The following HDAC9 variants were observed in gnomAD, a reference collection of about 807,000 sequenced individuals.
The protein encoded by HDAC9 is histone deacetylase 9, also known as MEF-2 interacting transcription repressor (MITR) protein.
A neutral mutation model predicts 139.4 loss-of-function variants in HDAC9; 41 were observed. That is an observed-to-expected ratio of 0.29 (90% CI 0.23 to 0.38). The LOEUF (loss-of-function observed/expected upper bound fraction) is 0.38. Among genes scored for constraint, HDAC9 ranks in the 10% least tolerant of loss-of-function variants. The pLI is 1.00. For synonymous variants in HDAC9, 517 were observed against 476.2 expected, an observed-to-expected ratio of 1.09 and a Z score of -1.12; for missense variants, 1,147 against 1,297.0, an observed-to-expected ratio of 0.88 and a Z score of 1.78.
rs530648199 is a variant in HDAC9 at position 18,524,495 on chromosome 7, A to C, written c.22+28171A>C. ...TTAGTAGTTTGTCCACGTAAAGACA[A>C]TCATACAACATGTACAAAAGTTGGA... On this transcript the variant is annotated intron_variant, in intron 2 of 25. Transcript: ENST00000686413. 1.1e-4 allele frequency among the ~76,000 whole-genome samples: 16 copies of C among 152,288 alleles called. No homozygotes were observed. The South Asian group carries it at 3.1e-3, about 30-fold the overall frequency.
chr7:18,819,556 T>C (rs1307600651), intron 17 of HDAC9, among the ~76,000 whole-genome samples: 1 of 152,210 alleles, frequency 6.6e-6, no homozygotes, highest in Non-Finnish European at 1.5e-5. Flanking sequence ...CTTTCCTGGA[T>C]ACCACATGGC....
chr7:18,608,682 A>G (rs985978355), intron 6 of HDAC9, among the ~76,000 whole-genome samples: 3 of 152,202 alleles, frequency 2.0e-5, no homozygotes, highest in African/African-American at 4.8e-5. Flanking sequence ...TGATAAAAAT[A>G]TCTGAGAATA....
At position 18,264,151 on chromosome 7, in the gene HDAC9, A is replaced by G. The variant is rs1016624571; in HGVS notation, c.25+101802A>G. Among the ~76,000 whole-genome samples the G allele has an allele frequency of 7.2e-5, 11 of 152,210 alleles. No homozygotes were observed. In the South Asian group the frequency reaches 1.9e-3, roughly 26 times the overall value. ...TAATGGACAGAACATCCACAAGGAA[A>G]TAGAAGACATGAACAACACTGAAAA... On this transcript the variant is annotated intron_variant, in intron 2 of 12. Coordinates refer to the HDAC9 transcript ENST00000417496.
At chr7:18,790,508 C>T (rs1792208910) in intron 16 of HDAC9, among the ~76,000 whole-genome samples, 1 of 152,118 alleles carries the variant, frequency 6.6e-6, no homozygotes, top group African/African-American at 2.4e-5. Flanking sequence ...TCAAAGCCTC[C>T]AGAATTGTGA....
intron 12 of HDAC9, among the ~76,000 whole-genome samples, chr7:18,682,898 A>G (rs1584831398): frequency 1.3e-5 from 2 of 151,826 alleles, no homozygotes; most frequent in Non-Finnish European, 2.9e-5. Flanking sequence ...GGAGAATTGC[A>G]TGAACCTAGG....
intron 22 of HDAC9, among the ~76,000 whole-genome samples, chr7:18,927,122 A>T (rs73069809): frequency 1.3e-5 from 2 of 152,318 alleles, no homozygotes; most frequent in African/African-American, 2.4e-5. Flanking sequence ...TTTACCCGTT[A>T]TTAAGGTGAT....
chr7:18,197,212 G>A (rs1187485571), intron 2 of HDAC9, among the ~76,000 whole-genome samples: 1 of 152,142 alleles, frequency 6.6e-6, no homozygotes, highest in East Asian at 1.9e-4. Context: ...CCTTAATCAT[G>A]TGAGCCAATT....
At chr7:18,283,461 A>G (rs1797235298) in intron 2 of HDAC9, among the ~76,000 whole-genome samples, 1 of 152,196 alleles carries the variant, frequency 6.6e-6, no homozygotes, top group South Asian at 2.1e-4. Flanking sequence ...AGTAAAGCAA[A>G]GGTGAATTAG....
At chr7:18,418,489 A>G (rs1789307429) in intron 1 of HDAC9, among the ~76,000 whole-genome samples, 3 of 151,916 alleles carry the variant, frequency 2.0e-5, no homozygotes, top group Admixed American at 1.3e-4. Context: ...AGATAATGAA[A>G]TAGTATGATT....
chr7:18,103,187 G>A (rs1782963286), intron 1 of HDAC9, among the ~76,000 whole-genome samples: 2 of 152,034 alleles, frequency 1.3e-5, no homozygotes, highest in South Asian at 4.1e-4. Flanking sequence ...ACTACCATGG[G>A]AACAGTATGG....
chr7:18,981,129 C>A (rs190854266), intron 25 of HDAC9, among the ~76,000 whole-genome samples: 1 of 152,124 alleles, frequency 6.6e-6, no homozygotes, highest in African/African-American at 2.4e-5. Flanking sequence ...CGGCCTGTTT[C>A]TTCTTTTAAT....
At chr7:18,259,359 A>T (rs1795493246) in intron 2 of HDAC9, among the ~76,000 whole-genome samples, 1 of 151,330 alleles carries the variant, frequency 6.6e-6, no homozygotes, top group East Asian at 2.0e-4. Context: ...ATATATGAAG[A>T]CAAGCCTGTT....
chr7:18,303,569 G>A (rs1376001169), intron 1 of HDAC9, among the ~76,000 whole-genome samples: 1 of 152,058 alleles, frequency 6.6e-6, no homozygotes, highest in Non-Finnish European at 1.5e-5. Context: ...TTACATTTAC[G>A]TTGAAAAGCA....
intron 12 of HDAC9, among the ~76,000 whole-genome samples, chr7:18,669,269 A>G (rs1795518821): frequency 6.6e-6 from 1 of 151,902 alleles, no homozygotes; most frequent in Non-Finnish European, 1.5e-5. Flanking sequence ...AAATATTAAA[A>G]TGAATAATAT....
rs1474803514 is a variant in HDAC9, at chr7:18,897,833, A to AG, written c.2803+23237_2803+23238insG. 1.3e-3 allele frequency among the ~76,000 whole-genome samples: 199 copies of AG among 150,114 alleles called. 1 individual carries two copies. Among genetic ancestry groups the AG allele is most frequent in the African/African-American group, 2.7e-3 (109 of 41,014 alleles). ...ATGGTTACTTAAAAAAAAAAAAAAA[A>AG]ATCCCTCCATTTCAGCTAAGGGTCT... On this transcript the variant is annotated intron_variant, in intron 22 of 25. Coordinates refer to ENST00000686413, the MANE Select transcript of HDAC9 (RefSeq NM_178425.4).
At chr7:18,871,807 T>C (rs934359944) in intron 21 of HDAC9, among the ~76,000 whole-genome samples, 1 of 152,190 alleles carries the variant, frequency 6.6e-6, no homozygotes, top group African/African-American at 2.4e-5. Flanking sequence ...CATTCGTAAA[T>C]TCATTGCCAA....
At chr7:18,174,048 A>G (rs1261971341) in intron 2 of HDAC9, among the ~76,000 whole-genome samples, 1 of 152,058 alleles carries the variant, frequency 6.6e-6, no homozygotes, top group Non-Finnish European at 1.5e-5. Context: ...GTGTTTTCCA[A>G]CTCATTTCCA....
At chr7:18,979,109 G>T (rs573653490) in intron 25 of HDAC9, among the ~76,000 whole-genome samples, 4 of 152,030 alleles carry the variant, frequency 2.6e-5, no homozygotes, top group African/African-American at 9.6e-5. Context: ...TCTCATGAAC[G>T]TGATGGTTTC....
chr7:18,417,904 C>T (rs1272975094), intron 1 of HDAC9, among the ~76,000 whole-genome samples: 1 of 152,170 alleles, frequency 6.6e-6, no homozygotes, highest in East Asian at 1.9e-4. Flanking sequence ...CCTCTTGTCT[C>T]TGGTGCTCTA....
Sources: allele counts gnomAD v4.1 joint callset (sites outside exome capture counted in the v4.1 genomes callset), GRCh38; gene constraint gnomAD v4.1.1; transcripts MANE v1.5; gene names NCBI Gene and HGNC (gene_info 2026-07-23, HGNC 2026-07-21).